CNTN5: variants seen among roughly 807,000 people sequenced by gnomAD.
The protein encoded by CNTN5 is contactin-5.
A neutral mutation model predicts 129.1 loss-of-function variants in CNTN5; 77 were observed. The observed-to-expected ratio is 0.60, with a 90% CI of 0.50 to 0.72. CNTN5 has a LOEUF of 0.72. Ranked by LOEUF, CNTN5 falls within the 30% of genes least tolerant of loss-of-function variation. CNTN5 has a pLI of 0.00. For synonymous variants in CNTN5, 509 were observed against 465.6 expected (o/e 1.09, Z -1.20); for missense variants, 1,478 against 1,328.8 (o/e 1.11, Z -1.75).
At chr11:99,994,542 C>T (rs1939325123) in intron 8 of CNTN5, among the ~76,000 whole-genome samples, 1 of 152,112 alleles carries the variant, frequency 6.6e-6, no homozygotes, top group Non-Finnish European at 1.5e-5. Flanking sequence ...CCCTATGACA[C>T]TGAGTAAATG....
chr11:99,513,764 C>T (rs1017283564), intron 2 of CNTN5, among the ~76,000 whole-genome samples: 2 of 151,804 alleles, frequency 1.3e-5, no homozygotes, highest in African/African-American at 4.8e-5. Flanking sequence ...AAAATATTAC[C>T]ATTCACTGAC....
At chr11:99,181,348 G>A (rs1484733650) in intron 1 of CNTN5, among the ~76,000 whole-genome samples, 1 of 152,180 alleles carries the variant, frequency 6.6e-6, no homozygotes, top group African/African-American at 2.4e-5. Flanking sequence ...CAAAGGTGCT[G>A]TGTCTCATTT....
At chr11:99,888,314 G>A (rs1948953739) in intron 6 of CNTN5, among the ~76,000 whole-genome samples, 1 of 152,114 alleles carries the variant, frequency 6.6e-6, no homozygotes, top group African/African-American at 2.4e-5. Context: ...CAAATGTAAA[G>A]AATATATATT....
intron 1 of CNTN5, among the ~76,000 whole-genome samples, chr11:99,228,031 G>A (rs79591859): frequency 0.018 from 2,672 of 151,964 alleles, 44 homozygotes; most frequent in African/African-American, 0.038. Flanking sequence ...TTGTACCATC[G>A]CTTGATCTGT....
chr11:99,569,115 A>AT (rs887154111), intron 3 of CNTN5, among the ~76,000 whole-genome samples: 2 of 151,788 alleles, frequency 1.3e-5, no homozygotes, highest in African/African-American at 2.4e-5. Flanking sequence ...TGAAGTGAAA[A>AT]TTTTTTATTT....
intron 21 of CNTN5, among the ~76,000 whole-genome samples, chr11:100,334,552 G>A (rs1343994289): frequency 6.6e-6 from 1 of 151,998 alleles, no homozygotes; most frequent in Non-Finnish European, 1.5e-5. Flanking sequence ...TCAATGAGTG[G>A]ATAAAGAAAA....
intron 8 of CNTN5, among the ~76,000 whole-genome samples, chr11:99,995,825 A>C (rs1243983173): frequency 1.3e-5 from 2 of 152,152 alleles, no homozygotes; most frequent in East Asian, 3.9e-4. Flanking sequence ...TGGCACTAGC[A>C]CCAAAATCCA....
intron 1 of CNTN5, among the ~76,000 whole-genome samples, chr11:99,072,159 G>A (rs1865364695): frequency 6.6e-6 from 1 of 152,084 alleles, no homozygotes; most frequent in African/African-American, 2.4e-5. Flanking sequence ...TGGAATGAAT[G>A]GGAAGGGAGT....
intron 7 of CNTN5, among the ~76,000 whole-genome samples, chr11:99,948,434 T>C (rs1565709760): frequency 6.6e-6 from 1 of 152,216 alleles, no homozygotes; most frequent in East Asian, 1.9e-4. Flanking sequence ...TAATGGTTAA[T>C]AGAAATAATC....
intron 3 of CNTN5, among the ~76,000 whole-genome samples, chr11:99,793,844 A>G (rs1945840144): frequency 6.6e-6 from 1 of 152,132 alleles, no homozygotes; most frequent in African/African-American, 2.4e-5. Context: ...TTTTTGGTCC[A>G]TTTTGGAGTG....
At chr11:99,315,773 G>T (rs375575123) in intron 1 of CNTN5, among the ~76,000 whole-genome samples, 1 of 148,978 alleles carries the variant, frequency 6.7e-6, no homozygotes, top group Non-Finnish European at 1.5e-5. Context: ...AAATTAGAAG[G>T]TGACAGGGAT....
intron 2 of CNTN5, among the ~76,000 whole-genome samples, chr11:99,361,790 T>A (rs1263231423): frequency 4.3e-5 from 4 of 92,574 alleles, no homozygotes; most frequent in African/African-American, 1.4e-4. Flanking sequence ...TCTTTAAAGA[T>A]CATCCGTGTC....
intron 15 of CNTN5, among the ~76,000 whole-genome samples, chr11:100,207,126 C>A (rs1262441381): frequency 1.3e-5 from 2 of 152,004 alleles, no homozygotes; most frequent in African/African-American, 2.4e-5. Flanking sequence ...AGCTGTTTGT[C>A]TATTAACAGA....
chr11:99,813,492 T>C (rs181124731), intron 3 of CNTN5, among the ~76,000 whole-genome samples: 367 of 152,248 alleles, frequency 2.4e-3, no homozygotes, highest in African/African-American at 8.4e-3. Flanking sequence ...GAGAGGTTTT[T>C]GTTTTGTTTT....
In CNTN5 at chr11:99,517,871, G is replaced by C. The variant is rs1238020552; in HGVS notation, c.-70-38274G>C. On this transcript the variant is annotated intron_variant, in intron 2 of 24. Coordinates refer to ENST00000524871, the MANE Select transcript of CNTN5 (RefSeq NM_014361.4). Reference sequence around the variant, plus strand: ...GGGATTAAGTTTAGGGTTAGGACAGGGACAATGTTATATTTTGTGTGCAAA... The same window carrying C: ...GGGATTAAGTTTAGGGTTAGGACAGCGACAATGTTATATTTTGTGTGCAAA... Among the ~76,000 whole-genome samples, 3 of 152,030 alleles carry C rather than the reference G, an allele frequency of 2.0e-5. No individual in the cohort carries two copies. The East Asian group carries it at 5.8e-4, about 29-fold the overall frequency.
At chr11:99,630,579 A>G (rs1383038561) in intron 3 of CNTN5, among the ~76,000 whole-genome samples, 1 of 102,472 alleles carries the variant, frequency 9.8e-6, no homozygotes, top group Admixed American at 1.3e-4. Context: ...AAAGAACACA[A>G]ATTTCTCAAG....
At chr11:99,850,703 A>G (rs991833378) in intron 6 of CNTN5, among the ~76,000 whole-genome samples, 1 of 152,148 alleles carries the variant, frequency 6.6e-6, no homozygotes, top group African/African-American at 2.4e-5. Flanking sequence ...GTACCTTATA[A>G]CAGGTCAAGG....
chr11:99,231,830 G>A (rs1291606495), intron 1 of CNTN5, among the ~76,000 whole-genome samples: 1 of 152,066 alleles, frequency 6.6e-6, no homozygotes, highest in Non-Finnish European at 1.5e-5. Flanking sequence ...TTTGTATTAG[G>A]TATGAGGTAG....
intron 2 of CNTN5, among the ~76,000 whole-genome samples, chr11:99,430,320 C>T (rs575026173): frequency 4.0e-5 from 6 of 150,534 alleles, no homozygotes; most frequent in East Asian, 1.9e-4. Flanking sequence ...AAAAAAATTC[C>T]GAAAAGCAAG....
Sources: allele counts gnomAD v4.1 joint callset (sites outside exome capture counted in the v4.1 genomes callset), GRCh38; gene constraint gnomAD v4.1.1; transcripts MANE v1.5; gene names NCBI Gene and HGNC (gene_info 2026-07-23, HGNC 2026-07-21).